The following GAS7 variants were observed in gnomAD, a reference collection of about 807,000 sequenced individuals.
GAS7 encodes the protein growth arrest-specific protein 7.
A neutral mutation model predicts 71.1 loss-of-function variants in GAS7; 28 were observed. The observed-to-expected ratio is 0.39, with a 90% CI of 0.29 to 0.54. The LOEUF (loss-of-function observed/expected upper bound fraction) is 0.54, where lower values mean the gene tolerates loss of function less well. Among genes scored for constraint, GAS7 ranks in the 20% least tolerant of loss-of-function variants. The pLI is 0.62. For missense variants in GAS7, 436 were observed against 627.8 expected, an observed-to-expected ratio of 0.69 and a Z score of 3.27; for synonymous variants, 258 against 245.8, an observed-to-expected ratio of 1.05 and a Z score of -0.46.
At chr17:10,174,943 T>C (rs76895266) in intron 1 of GAS7, among the ~76,000 whole-genome samples, 8,779 of 152,110 alleles carry the variant, frequency 0.058, 349 homozygotes, top group South Asian at 0.13. Context: ...CCTCCTGGAC[T>C]CAAGCGATAC....
chr17:10,066,826 C>T (rs2073286291), intron 1 of GAS7, among the ~76,000 whole-genome samples: 1 of 152,044 alleles, frequency 6.6e-6, no homozygotes, highest in African/African-American at 2.4e-5. Flanking sequence ...TTCTAGGTCA[C>T]CAAGTCCTGA....
chr17:9,984,995 C>G (rs908803228), intron 2 of GAS7, among the ~76,000 whole-genome samples: 3 of 123,986 alleles, frequency 2.4e-5, no homozygotes, highest in African/African-American at 1.3e-4. Context: ...GACCGGGCTC[C>G]CCTCTCCACC....
chr17:10,125,011 C>T lies in GAS7; in HGVS notation c.183+73197G>A, dbSNP rs887076380. Among the ~76,000 whole-genome samples the T allele has an allele frequency of 5.3e-5, 8 of 150,542 alleles. 1 individual carries two copies. The highest frequency in any genetic ancestry group is 2.1e-4 in the South Asian group (1 of 4,730). ...TCCACATTTCCTGGAAATTACTCTC[C>T]GTGCAAAAAGATATCATCACAAGGA... On this transcript the variant is annotated intron_variant, in intron 1 of 13. Coordinates refer to ENST00000432992, the MANE Select transcript of GAS7 (RefSeq NM_201433.2).
intron 2 of GAS7, among the ~76,000 whole-genome samples, chr17:10,012,516 G>A (rs576435756): frequency 9.2e-5 from 14 of 152,250 alleles, no homozygotes; most frequent in African/African-American, 3.1e-4. Context: ...TTGAGCTCCT[G>A]GGCTCAAGTG....
At chr17:10,116,481 G>A (rs956742741) in intron 1 of GAS7, among the ~76,000 whole-genome samples, 2 of 152,030 alleles carry the variant, frequency 1.3e-5, no homozygotes, top group East Asian at 1.9e-4. Flanking sequence ...TGGGCTGAGC[G>A]GGTCTCTGCA....
intron 1 of GAS7, among the ~76,000 whole-genome samples, chr17:10,072,526 G>A (rs1250904261): frequency 6.6e-6 from 1 of 152,156 alleles, no homozygotes; most frequent in Admixed American, 6.5e-5. Flanking sequence ...CAAGGCAGGA[G>A]TCCCATGAGC....
rs2067586948 is a variant in GAS7, at chr17:9,916,523, T to C, written c.*705A>G. The C allele has an allele frequency of 4.2e-6, 1 of 236,718 alleles. No homozygotes were observed. Among genetic ancestry groups the C allele is most frequent in the South Asian group, 1.8e-4 (1 of 5,564 alleles). The allele number at this position is 236,718 out of a possible 1,614,324, so 14.7% of individuals were successfully genotyped here. A position where few individuals can be genotyped will look rare whatever the true frequency, so the allele number is the denominator to read the frequency against. On this transcript the variant is annotated 3_prime_UTR_variant, in exon 14 of 14. Coordinates refer to ENST00000432992, the MANE Select transcript of GAS7 (RefSeq NM_201433.2). ...ATGGATTGGCATTTCCAGAGGAGAC[T>C]TTACAGATGGCGCCTGATCTCATGG... is the stretch of plus-strand genomic sequence containing the variant.
intron 1 of GAS7, among the ~76,000 whole-genome samples, chr17:10,194,703 G>A (rs1567628234): frequency 6.6e-6 from 1 of 152,108 alleles, no homozygotes; most frequent in Non-Finnish European, 1.5e-5. Flanking sequence ...GCCGGGCACA[G>A]TGGCTCACGC....
At chr17:10,157,355 T>TCC (rs2074213343) in intron 1 of GAS7, among the ~76,000 whole-genome samples, 1 of 151,968 alleles carries the variant, frequency 6.6e-6, no homozygotes, top group African/African-American at 2.4e-5. Context: ...TTGCACCAAC[T>TCC]CCCCTGCCTT....
At chr17:10,138,531 G>A (rs949492419) in intron 1 of GAS7, among the ~76,000 whole-genome samples, 32 of 152,072 alleles carry the variant, frequency 2.1e-4, no homozygotes, top group South Asian at 4.1e-4. Flanking sequence ...TTGGGAAGCC[G>A]AGGTGGGCAG....
At chr17:10,176,246 C>G (rs1489468106) in intron 1 of GAS7, among the ~76,000 whole-genome samples, 1 of 152,194 alleles carries the variant, frequency 6.6e-6, no homozygotes, top group African/African-American at 2.4e-5. Context: ...GAGGAGGCCT[C>G]AGAAGCAACT....
rs948659360 is a variant in GAS7, at chr17:9,919,766, C to G, written c.1139-61G>C. 3.2e-6 allele frequency: 4 copies of G among 1,240,496 alleles called. No individual in the cohort carries two copies. In the African/African-American group the frequency reaches 5.9e-5, roughly 18 times the overall value. The allele number at this position is 1,240,496 out of a possible 1,614,324, so 76.8% of individuals were successfully genotyped here. Reference sequence around the variant, plus strand: ...CTATCCTCACCATGACTCTGTGCCCCACCCTGAGCCCCACAGCCAAGCCTT... The same window carrying G: ...CTATCCTCACCATGACTCTGTGCCCGACCCTGAGCCCCACAGCCAAGCCTT... On this transcript the variant is annotated intron_variant, in intron 11 of 13. Transcript: ENST00000432992. The surrounding 1 kb of genome is among the most constrained non-coding windows in gnomAD (Gnocchi z 5.0).
At chr17:10,187,310 C>T (rs970619040) in intron 1 of GAS7, among the ~76,000 whole-genome samples, 1 of 152,156 alleles carries the variant, frequency 6.6e-6, no homozygotes, top group African/African-American at 2.4e-5. Flanking sequence ...GAGCAAAAAG[C>T]AAATCCATGT....
chr17:9,943,527 G>A (rs533683305), intron 6 of GAS7, among the ~76,000 whole-genome samples: 45 of 152,284 alleles, frequency 3.0e-4, no homozygotes, highest in East Asian at 7.7e-4. Flanking sequence ...CAAGAGCACC[G>A]GCTGTGATGC....
At chr17:10,051,834 C>A (rs2073066535) in intron 1 of GAS7, among the ~76,000 whole-genome samples, 1 of 152,132 alleles carries the variant, frequency 6.6e-6, no homozygotes, top group Non-Finnish European at 1.5e-5. Flanking sequence ...GGATAACAGG[C>A]AGGAAAAACG....
intron 5 of GAS7, among the ~76,000 whole-genome samples, chr17:9,947,649 G>A (rs1376861987): frequency 6.6e-6 from 1 of 151,840 alleles, no homozygotes; most frequent in African/African-American, 2.4e-5. Context: ...GAGGCTGAGG[G>A]AGGAGAACCA....
rs770687486 is a variant in GAS7, at chr17:10,172,815, TA to T, written c.183+25392del. On this transcript the variant is annotated intron_variant, in intron 1 of 13. Transcript: ENST00000432992. ...TCTCAAGTGCCTTTTCCATTGCCAGTAACCCATGCAGTCTCAACAAAAGACT... is the reference window on the plus strand; with the variant it reads ...TCTCAAGTGCCTTTTCCATTGCCAGTACCCATGCAGTCTCAACAAAAGACT... 8.5e-5 allele frequency among the ~76,000 whole-genome samples: 13 copies of T among 152,322 alleles called. 2 individuals carry two copies. Among genetic ancestry groups the T allele is most frequent in the Admixed American group, 5.9e-4 (9 of 15,302 alleles).
chr17:9,959,541 G>A lies in GAS7; in HGVS notation c.472-286C>T. 9.3e-7 allele frequency: 1 copy of A among 1,075,988 alleles called. No homozygotes were observed. Among genetic ancestry groups the A allele is most frequent in the East Asian group, 2.9e-5 (1 of 34,380 alleles). The allele number at this position is 1,075,988 out of a possible 1,614,324, so 66.7% of individuals were successfully genotyped here. On this transcript the variant is annotated intron_variant, in intron 4 of 13. Transcript: ENST00000432992. The surrounding 1 kb of genome is among the most constrained non-coding windows in gnomAD (Gnocchi z 5.0). ...TCCTCTTCTCTCAGTCTGTGATTTG[G>A]GGAGTTAACCCCTCCGCTGCCCTCT... is the stretch of plus-strand genomic sequence containing the variant.
intron 4 of GAS7, among the ~76,000 whole-genome samples, chr17:9,963,479 AAGAG>A (rs146976317): frequency 6.7e-6 from 1 of 149,954 alleles, no homozygotes; most frequent in Non-Finnish European, 1.5e-5. Flanking sequence ...TTGGTGGGGG[AAGAG>A]AGAGAGAGAG....
Sources: allele counts gnomAD v4.1 joint callset (sites outside exome capture counted in the v4.1 genomes callset), GRCh38; gene constraint gnomAD v4.1.1; non-coding constraint Gnocchi (gnomAD v3.1); transcripts MANE v1.5; gene names NCBI Gene and HGNC (gene_info 2026-07-23, HGNC 2026-07-21).